The following SBNO2 variants were observed in gnomAD, a reference collection of about 807,000 sequenced individuals.
SBNO2 encodes the protein strawberry notch homolog 2.
In SBNO2, 89 loss-of-function variants were observed where a neutral mutation model predicts 146.3. The ratio of observed to expected loss-of-function variants is 0.61; its 90% CI spans 0.51 to 0.73. The LOEUF (loss-of-function observed/expected upper bound fraction) is 0.73, where lower values mean the gene tolerates loss of function less well. Among genes scored for constraint, SBNO2 ranks in the 30% least tolerant of loss-of-function variants. The pLI is 0.00. For missense variants in SBNO2, 2,092 were observed against 2,003.7 expected (o/e 1.04, Z -0.84); for synonymous variants, 1,147 against 892.6 (o/e 1.29, Z -5.08).
intron 4 of SBNO2, among the ~76,000 whole-genome samples, chr19:1,133,139 T>C (rs2080050146): frequency 6.7e-6 from 1 of 150,320 alleles, no homozygotes; most frequent in African/African-American, 2.5e-5. Context: ...CCAGAGGGGG[T>C]GGGAGGACGG....
chr19:1,129,307 G>A (rs1439509202), intron 4 of SBNO2, among the ~76,000 whole-genome samples: 1 of 152,024 alleles, frequency 6.6e-6, no homozygotes, highest in Non-Finnish European at 1.5e-5. Context: ...ATGTCAAGGG[G>A]GCGCTGTCTC....
At position 1,111,060 on chromosome 19, in the gene SBNO2, C is replaced by T; in HGVS notation, c.2843G>A (p.Gly948Asp). 1.3e-6 allele frequency: 2 copies of T among 1,563,748 alleles called. No individual in the cohort carries two copies. Among genetic ancestry groups the T allele is most frequent in the Non-Finnish European group, 1.7e-6 (2 of 1,155,214 alleles). Residue 948 changes from glycine (G) to aspartate (D), a missense_variant, in exon 25 of 32, where the codon GGT becomes GAT. By Grantham distance (94) the Gly-to-Asp change is moderately conservative (BLOSUM62 -1). Transcript: ENST00000361757. ...GCAGCCATTCCGGGACTCCCGGCCA[C>T]CAATGCCCACAGACAGCAGGCCCTG... ...MKQGLLSVGIGGRESRNGCLD... is the reference protein window; with the variant it reads ...MKQGLLSVGIDGRESRNGCLD...
At chr19:1,169,475 C>T (rs1397800354) in intron 1 of SBNO2, among the ~76,000 whole-genome samples, 1 of 152,250 alleles carries the variant, frequency 6.6e-6, no homozygotes, top group Non-Finnish European at 1.5e-5. Context: ...CAAGGCCTGT[C>T]CCCCTCATGC....
In SBNO2 at chr19:1,154,333, CCCGGGGCCG is replaced by C; in HGVS notation, c.-66_-58del. ...GGCAGCAGGCGGCGGGACTCCAGGACCCGGGGCCGCCGGGGCGTCTATCTGGGCTTCTCG... is the reference window on the plus strand; with the variant it reads ...GGCAGCAGGCGGCGGGACTCCAGGACCCGGGGCGTCTATCTGGGCTTCTCG... On this transcript the variant is annotated 5_prime_UTR_variant, in exon 2 of 32. Transcript: ENST00000361757. 1 of 1,013,618 alleles carries C rather than the reference CCCGGGGCCG, an allele frequency of 9.9e-7. No individual in the cohort carries two copies. The highest frequency in any genetic ancestry group is 4.9e-5 in the South Asian group (1 of 20,512). 62.8% of individuals were successfully genotyped at this position (1,013,618 alleles called of 1,614,324 possible). A position where few individuals can be genotyped will look rare whatever the true frequency, so the allele number is the denominator to read the frequency against.
intron 4 of SBNO2, among the ~76,000 whole-genome samples, chr19:1,145,466 T>A (rs1311955644): frequency 1.5e-5 from 2 of 131,476 alleles, no homozygotes; most frequent in Non-Finnish European, 3.2e-5. Context: ...AGAGCAAAAC[T>A]CTGTCTCAAA....
At chr19:1,161,009 G>C (rs2145332709) in intron 1 of SBNO2, among the ~76,000 whole-genome samples, 1 of 145,784 alleles carries the variant, frequency 6.9e-6, no homozygotes, top group African/African-American at 2.6e-5. Flanking sequence ...GTGCTTCCCA[G>C]AAAGCTCAGG....
chr19:1,132,109 T>A, intron 4 of SBNO2: 2 of 1,538,892 alleles, frequency 1.3e-6, no homozygotes, highest in Non-Finnish European at 8.7e-7. Context: ...AGCCTCAAAC[T>A]GCAGCCACAG....
rs1180258901 is a variant in SBNO2, at chr19:1,157,850, C to T, written c.-126-3448G>A. On this transcript the variant is annotated intron_variant, in intron 1 of 31. Coordinates refer to ENST00000361757, the MANE Select transcript of SBNO2 (RefSeq NM_014963.3). The surrounding 1 kb of genome is among the most constrained non-coding windows in gnomAD (Gnocchi z 6.8). ...GGGTAACTGCGTCCGCCTCCCAGCT[C>T]TCTCTCTTGAGTCCGGGTAACTGCA... Among the ~76,000 whole-genome samples, 1 of 147,000 alleles carries T rather than the reference C, an allele frequency of 6.8e-6. No homozygotes were observed. The highest frequency in any genetic ancestry group is 1.9e-4 in the East Asian group (1 of 5,188).
chr19:1,136,091 C>A lies in SBNO2; in HGVS notation c.280-8326G>T, dbSNP rs1320935824. 6.6e-6 allele frequency among the ~76,000 whole-genome samples: 1 copy of A among 152,102 alleles called. No individual in the cohort carries two copies. Among genetic ancestry groups the A allele is most frequent in the African/African-American group, 2.4e-5 (1 of 41,422 alleles). On this transcript the variant is annotated intron_variant, in intron 4 of 31. Transcript: ENST00000361757. The surrounding 1 kb of genome is among the most constrained non-coding windows in gnomAD (Gnocchi z 4.2). ...TCCTCATTCGAAGGAGACACAGTCC[C>A]GGGGAGGAGGCCACGGGACACAGAA...
intron 4 of SBNO2, among the ~76,000 whole-genome samples, chr19:1,146,748 C>A (rs1225592679): frequency 2.5e-5 from 2 of 78,452 alleles, no homozygotes; most frequent in East Asian, 4.4e-4. Context: ...CCTGATGCCG[C>A]AGTGGGAGGC....
intron 1 of SBNO2, among the ~76,000 whole-genome samples, chr19:1,164,042 T>A (rs1174970509): frequency 6.6e-6 from 1 of 152,174 alleles, no homozygotes; most frequent in African/African-American, 2.4e-5. Flanking sequence ...AGGACCTCCC[T>A]CCAGGTGGGT....
chr19:1,113,494 A>C, intron 19 of SBNO2, 41 bp downstream of exon 19: 6 of 1,491,980 alleles, frequency 4.0e-6, no homozygotes, highest in Non-Finnish European at 4.6e-6. Context: ...CCCACTGCCC[A>C]TGCCCCGCCC....
At chr19:1,125,946 G>A (rs1181373557) in intron 5 of SBNO2, among the ~76,000 whole-genome samples, 1 of 148,550 alleles carries the variant, frequency 6.7e-6, no homozygotes, top group Non-Finnish European at 1.5e-5. Flanking sequence ...ATGGGCTGAG[G>A]TTGCGCCACC....
At position 1,126,377 on chromosome 19, in the gene SBNO2, C is replaced by CAAT. The variant is rs1410252512; in HGVS notation, c.441+1226_441+1227insATT. On this transcript the variant is annotated intron_variant, in intron 5 of 31. Coordinates refer to ENST00000361757, the MANE Select transcript of SBNO2 (RefSeq NM_014963.3). The surrounding 1 kb of genome is among the most constrained non-coding windows in gnomAD (Gnocchi z 4.4). ...TGGCGGGCATTGGGTTTCAGATGCC[C>CAAT]TCGTGCCGGCCACAGCAGGCCGGTC... Among the ~76,000 whole-genome samples, 3 of 152,172 alleles carry CAAT rather than the reference C, an allele frequency of 2.0e-5. No homozygotes were observed. Among genetic ancestry groups the CAAT allele is most frequent in the African/African-American group, 7.2e-5 (3 of 41,448 alleles).
At chr19:1,111,404 AAC>A in intron 24 of SBNO2, 100 bp downstream of exon 24, 1 of 844,530 alleles carries the variant, frequency 1.2e-6, no homozygotes. Context: ...GGGGTCACTC[AAC>A]ACACAACCGG....
Position 1,109,225 on chromosome 19 carries a change from G to A in SBNO2, c.3349-14C>T, listed in dbSNP as rs1386658213. The A allele has an allele frequency of 6.4e-7, 1 of 1,569,430 alleles. No homozygotes were observed. The highest frequency in any genetic ancestry group is 1.2e-5 in the South Asian group (1 of 85,868). ...CTCCGCGGTGACCTAGGGACACAGG[G>A]CCGCATGAGCCTGGGCGGGGTCAGG... On this transcript the variant is annotated splice_polypyrimidine_tract_variant and intron_variant, in intron 29 of 31. Transcript: ENST00000361757. The surrounding 1 kb of genome is among the most constrained non-coding windows in gnomAD (Gnocchi z 4.2).
chr19:1,111,963 C>T (rs769742243), intron 23 of SBNO2, 33 bp downstream of exon 23: 36 of 1,570,580 alleles, frequency 2.3e-5, no homozygotes, highest in South Asian at 9.1e-5. Context: ...CCTGCCCCTG[C>T]CCCGCCCCCC....
At chr19:1,128,629 G>A (rs1251486234) in intron 4 of SBNO2, among the ~76,000 whole-genome samples, 1 of 151,142 alleles carries the variant, frequency 6.6e-6, no homozygotes, top group East Asian at 2.0e-4. Flanking sequence ...CTGACCTCAG[G>A]TGATCCATCC....
chr19:1,111,646 CCAGGGAGGAGGCT>C (rs1411094409), intron 23 of SBNO2, 32 bp from the exon 24 acceptor site: 10 of 1,510,372 alleles, frequency 6.6e-6, no homozygotes, highest in Middle Eastern at 1.7e-4. Context: ...GGGAGGAGGC[CCAGGGAGGAGGCT>C]GGCTTTCCCT....
Sources: allele counts gnomAD v4.1 joint callset (sites outside exome capture counted in the v4.1 genomes callset), GRCh38; gene constraint gnomAD v4.1.1; non-coding constraint Gnocchi (gnomAD v3.1); transcripts MANE v1.5; gene names NCBI Gene and HGNC (gene_info 2026-07-23, HGNC 2026-07-21).